Variants in HCK observed in about 807,000 individuals in gnomAD.
HCK encodes tyrosine-protein kinase HCK.
In HCK, 40 loss-of-function variants were observed where a neutral mutation model predicts 70.4. That is an observed-to-expected ratio of 0.57 (90% CI 0.44 to 0.74). HCK has a LOEUF of 0.74. Ranked by LOEUF, HCK falls within the 30% of genes least tolerant of loss-of-function variation. The pLI is 0.00. For synonymous variants in HCK, 245 were observed against 263.2 expected (o/e 0.93, Z 0.67); for missense variants, 568 against 697.2 (o/e 0.81, Z 2.09).
chr20:32,092,517 C>A (rs1250773696), intron 10 of HCK, among the ~76,000 whole-genome samples: 1 of 152,148 alleles, frequency 6.6e-6, no homozygotes, highest in East Asian at 1.9e-4. Context: ...GAATAAGAAT[C>A]CTCCACGCAG....
rs1450867986 is a variant in HCK at position 32,101,716 on chromosome 20, T to C, written c.*197T>C. On this transcript the variant is annotated 3_prime_UTR_variant, in exon 13 of 13. Coordinates refer to ENST00000375852, the MANE Select transcript of HCK (RefSeq NM_002110.5). ...ACTCTTGCAATCCACAATCTGACATTCTCAGGAAGCCCCCAAGTTGATATT... is the reference window on the plus strand; with the variant it reads ...ACTCTTGCAATCCACAATCTGACATCCTCAGGAAGCCCCCAAGTTGATATT... 1.9e-5 allele frequency: 9 copies of C among 481,714 alleles called. No homozygotes were observed. In the East Asian group the frequency reaches 2.9e-4, roughly 15 times the overall value. The allele number at this position is 481,714 out of a possible 1,614,324, so 29.8% of individuals were successfully genotyped here.
intron 5 of HCK, among the ~76,000 whole-genome samples, chr20:32,075,612 TCTCCATAA>T (rs2045610765): frequency 6.6e-6 from 1 of 152,164 alleles, no homozygotes; most frequent in South Asian, 2.1e-4. Flanking sequence ...CTCAAGGAGC[TCTCCATAA>T]CCCATCGTTC....
intron 1 of HCK, among the ~76,000 whole-genome samples, chr20:32,070,892 G>A (rs1267585113): frequency 6.7e-6 from 1 of 148,654 alleles, no homozygotes; most frequent in East Asian, 2.0e-4. Context: ...GACGAAGAAA[G>A]AGGAGGAGGA....
intron 2 of HCK, chr20:32,072,563 T>TTAAAA (rs2045558232): frequency 1.6e-5 from 1 of 63,216 alleles, no homozygotes; most frequent in African/African-American, 7.2e-5. Context: ...CCTGTCTCTT[T>TTAAAA]AAAAAAAAAA....
At chr20:32,066,303 CTT>C (rs35827345) in intron 1 of HCK, among the ~76,000 whole-genome samples, 4 of 46,222 alleles carry the variant, frequency 8.7e-5, no homozygotes, top group Non-Finnish European at 1.4e-4. Context: ...CCTCCAGTGA[CTT>C]TTTTTTTTTT....
chr20:32,084,364 C>G, intron 7 of HCK, 27 bp from the exon 8 acceptor site: 1 of 1,596,136 alleles, frequency 6.3e-7, no homozygotes. Flanking sequence ...GCTTGTTGCT[C>G]TCAATTGACC....
At chr20:32,094,146 T>C in intron 11 of HCK, 130 bp downstream of exon 11, 1 of 813,018 alleles carries the variant, frequency 1.2e-6, no homozygotes, top group Non-Finnish European at 1.9e-6. Context: ...TTCTTGAGCT[T>C]GGTGGATCCT....
intron 6 of HCK, among the ~76,000 whole-genome samples, chr20:32,082,565 C>G (rs1049473899): frequency 1.3e-5 from 2 of 152,094 alleles, no homozygotes; most frequent in African/African-American, 4.8e-5. Flanking sequence ...TTGCTTGAAC[C>G]TGGGAGGCAG....
intron 4 of HCK, 52 bp from the exon 5 acceptor site, chr20:32,074,571 C>T: frequency 2.2e-6 from 3 of 1,356,442 alleles, no homozygotes; most frequent in Non-Finnish European, 3.2e-6. Context: ...CTTGAGGAGA[C>T]TGGAGAATGA....
chr20:32,086,501 C>T (rs959546837), intron 8 of HCK, 127 bp from the exon 9 acceptor site: 10 of 765,950 alleles, frequency 1.3e-5, no homozygotes, highest in East Asian at 2.9e-5. Context: ...ATTTCGCTTC[C>T]CTCTCTGAGA....
chr20:32,097,875 T>C (rs1220649311), intron 11 of HCK, among the ~76,000 whole-genome samples: 1 of 151,922 alleles, frequency 6.6e-6, no homozygotes, highest in East Asian at 1.9e-4. Context: ...AACTAAACAC[T>C]TTTTAAAAAA....
chr20:32,082,441 A>C (rs1600729113), intron 6 of HCK, among the ~76,000 whole-genome samples: 1 of 152,054 alleles, frequency 6.6e-6, no homozygotes, highest in East Asian at 1.9e-4. Context: ...CAGGAGTTGG[A>C]GACCAGCCTG....
chr20:32,073,224 G>A, intron 2 of HCK, 95 bp from the exon 3 acceptor site: 1 of 1,032,782 alleles, frequency 9.7e-7, no homozygotes. Flanking sequence ...CAGGGCTAGG[G>A]TAAGATGCTC....
At chr20:32,089,758 T>C (rs2045839364) in intron 10 of HCK, among the ~76,000 whole-genome samples, 1 of 152,182 alleles carries the variant, frequency 6.6e-6, no homozygotes, top group South Asian at 2.1e-4. Context: ...TTAGAGTGCA[T>C]AGCTAGAGCA....
At chr20:32,094,789 GAAAGAAAGAAAGAAAGAAAGAAAGA>G (rs1294662245) in intron 11 of HCK, among the ~76,000 whole-genome samples, 1 of 20,100 alleles carries the variant, frequency 5.0e-5, no homozygotes, top group African/African-American at 8.7e-5. Context: ...GAGAGAAAGA[GAAAGAAAGAAAGAAAGAAAGAAAGA>G]AAGAAAGAAA....
chr20:32,088,559 C>T lies in HCK; in HGVS notation c.1016-9C>T, dbSNP rs369207649. The T allele has an allele frequency of 3.4e-5, 54 of 1,608,782 alleles. 1 individual carries two copies. The African/African-American group carries it at 5.6e-4, about 17-fold the overall frequency. On this transcript the variant is annotated splice_polypyrimidine_tract_variant and intron_variant, in intron 9 of 12. Coordinates refer to ENST00000375852, the MANE Select transcript of HCK (RefSeq NM_002110.5). The stretch of plus-strand genomic sequence containing the variant: ...AGTAGTAAATGTTCCTCCCCTCTCC[C>T]CCATATAGGAAGCTTGCTGGACTTT...
Position 32,099,027 on chromosome 20 carries a change from AC to A in HCK, c.1271del (p.Thr424LysfsTer24). On this transcript the variant is annotated frameshift_variant, in exon 12 of 13. Transcript: ENST00000375852. LOFTEE classifies it high-confidence loss of function. ...AGGGGCCAAGTTCCCCATCAAGTGG[AC>A]AGCTCCTGAAGCCATCAACTTTGGC... The A allele has an allele frequency of 6.2e-7, 1 of 1,614,192 alleles. No individual in the cohort carries two copies. The highest frequency in any genetic ancestry group is 2.2e-5 in the East Asian group (1 of 44,880).
intron 8 of HCK, 71 bp from the exon 9 acceptor site, chr20:32,086,557 C>A: frequency 7.6e-7 from 1 of 1,320,520 alleles, no homozygotes; most frequent in Non-Finnish European, 1.0e-6. Context: ...GGGTCTGCAG[C>A]TGGGCCTTCT....
At chr20:32,084,597 G>T (rs546868228) in intron 8 of HCK, 54 bp downstream of exon 8, 1 of 1,516,212 alleles carries the variant, frequency 6.6e-7, no homozygotes, top group Non-Finnish European at 9.0e-7. Context: ...GGAGAGGGAG[G>T]CCACTTGCTT....
Sources: allele counts gnomAD v4.1 joint callset (sites outside exome capture counted in the v4.1 genomes callset), GRCh38; gene constraint gnomAD v4.1.1; transcripts MANE v1.5; gene names NCBI Gene and HGNC (gene_info 2026-07-23, HGNC 2026-07-21).